UXS1: variants seen among roughly 807,000 people sequenced by gnomAD.
UXS1 encodes UDP-glucuronate decarboxylase 1, also known as UDP-glucuronic acid decarboxylase 1.
In UXS1, 33 loss-of-function variants were observed where a neutral mutation model predicts 62.6. The ratio of observed to expected loss-of-function variants is 0.53; its 90% CI spans 0.40 to 0.70. The LOEUF is 0.70. Among genes scored for constraint, UXS1 ranks in the 30% least tolerant of loss-of-function variants. The pLI is 0.00. For synonymous variants in UXS1, 213 were observed against 206.8 expected (o/e 1.03, Z -0.26); for missense variants, 434 against 556.3 (o/e 0.78, Z 2.21).
At position 106,104,812 on chromosome 2, in the gene UXS1, C is replaced by T; in HGVS notation, c.905G>A (p.Arg302Lys). The change falls in exon 11 of 15, where the codon AGG becomes AAG. Residue 302 changes from arginine to lysine, a missense_variant. Transcript: ENST00000283148. ...GTCTTACCTGACGTACTGGAACGCC[C>T]TTGTCTGAGACCCGGATCCGTATAC... ...LTVYGSGSQTRAFQYVSDLVN... is the reference protein window; with the variant it reads ...LTVYGSGSQTKAFQYVSDLVN... 6.2e-7 allele frequency: 1 copy of T among 1,614,024 alleles called. No individual in the cohort carries two copies. Among genetic ancestry groups the T allele is most frequent in the Non-Finnish European group, 8.5e-7 (1 of 1,179,902 alleles).
chr2:106,184,917 C>T (rs1249130698), intron 1 of UXS1, among the ~76,000 whole-genome samples: 1 of 152,206 alleles, frequency 6.6e-6, no homozygotes, highest in Non-Finnish European at 1.5e-5. Context: ...CGGGCCAACC[C>T]CAAAATGCAA....
chr2:106,097,620 G>T, intron 13 of UXS1: 1 of 221,318 alleles, frequency 4.5e-6, no homozygotes, highest in Non-Finnish European at 9.3e-6. Context: ...CACCTGAAGA[G>T]CCTGTCAACA....
chr2:106,128,485 C>T (rs1342392181), intron 7 of UXS1, among the ~76,000 whole-genome samples: 1 of 152,032 alleles, frequency 6.6e-6, no homozygotes, highest in Non-Finnish European at 1.5e-5. Context: ...GAACACATGG[C>T]CCTCCCCAAC....
Position 106,094,127 on chromosome 2 carries a change from T to C in UXS1, c.1177A>G (p.Ile393Val). Reference sequence around the variant, plus strand: ...TCGAGTTCTTTACGGAAGTAGTGAATTGCTTTGTTTAAACCTTCCTCCAGC... The same window carrying C: ...TCGAGTTCTTTACGGAAGTAGTGAACTGCTTTGTTTAAACCTTCCTCCAGC... ...VPLEEGLNKA[I>V]HYFRKELEYQ... is the part of the protein sequence containing the mutation. The change falls in exon 15 of 15, where the codon ATT (isoleucine) becomes GTT (valine). Residue 393 changes from isoleucine to valine, a missense_variant. Coordinates refer to ENST00000283148, the MANE Select transcript of UXS1 (RefSeq NM_001253875.2). 6.2e-7 allele frequency: 1 copy of C among 1,612,302 alleles called. No individual in the cohort carries two copies. Among genetic ancestry groups the C allele is most frequent in the Non-Finnish European group, 8.5e-7 (1 of 1,179,748 alleles).
chr2:106,186,556 A>C (rs1395289320), intron 1 of UXS1, among the ~76,000 whole-genome samples: 1 of 151,576 alleles, frequency 6.6e-6, no homozygotes, highest in African/African-American at 2.4e-5. Context: ...TCAAACAAAC[A>C]AAAAAAAATC....
chr2:106,185,338 A>G (rs547110413), intron 1 of UXS1, among the ~76,000 whole-genome samples: 6 of 152,312 alleles, frequency 3.9e-5, no homozygotes, highest in African/African-American at 1.4e-4. Flanking sequence ...GAAAATAAAG[A>G]TGCCCAAGTC....
intron 14 of UXS1, among the ~76,000 whole-genome samples, chr2:106,094,833 C>A (rs1420160399): frequency 6.6e-6 from 1 of 152,208 alleles, no homozygotes; most frequent in Non-Finnish European, 1.5e-5. Flanking sequence ...TGGGGCACCA[C>A]TGGGGGAGAA....
chr2:106,190,230 A>G (rs1201442001), intron 1 of UXS1, among the ~76,000 whole-genome samples: 1 of 152,218 alleles, frequency 6.6e-6, no homozygotes. Context: ...CTCACTAGGA[A>G]CAGCATTTAC....
chr2:106,128,336 A>C (rs1446857530), intron 7 of UXS1, among the ~76,000 whole-genome samples: 1 of 152,190 alleles, frequency 6.6e-6, no homozygotes, highest in Non-Finnish European at 1.5e-5. Context: ...TACTCCAAAC[A>C]ACCTGTCCCC....
chr2:106,145,466 C>T (rs770199306), intron 5 of UXS1, 96 bp from the exon 6 acceptor site: 23 of 1,421,522 alleles, frequency 1.6e-5, no homozygotes, highest in South Asian at 1.5e-4. Flanking sequence ...GGTGCAGCCA[C>T]GACTTAAAAC....
At chr2:106,155,908 TG>T (rs1682382936) in intron 5 of UXS1, among the ~76,000 whole-genome samples, 1 of 152,140 alleles carries the variant, frequency 6.6e-6, no homozygotes, top group Non-Finnish European at 1.5e-5. Context: ...TAGCTCAAAA[TG>T]GATCACAGGC....
At chr2:106,176,159 C>A (rs1043572043) in intron 1 of UXS1, among the ~76,000 whole-genome samples, 29 of 152,124 alleles carry the variant, frequency 1.9e-4, no homozygotes, top group Admixed American at 9.2e-4. Flanking sequence ...CCTATCCCCC[C>A]ACCCCTGGCT....
chr2:106,110,668 C>A (rs1209724898), intron 10 of UXS1, among the ~76,000 whole-genome samples: 1 of 152,160 alleles, frequency 6.6e-6, no homozygotes, highest in African/African-American at 2.4e-5. Context: ...GCGGCCACTA[C>A]AAATCCAATA....
At chr2:106,174,809 G>T (rs1393825180) in intron 1 of UXS1, among the ~76,000 whole-genome samples, 1 of 152,202 alleles carries the variant, frequency 6.6e-6, no homozygotes, top group Non-Finnish European at 1.5e-5. Context: ...CGGAAGACAG[G>T]CCCCAAGAGG....
rs192358223 is a variant in UXS1, at chr2:106,106,614, G to A, written c.880-1777C>T. ...TACAGCTGCAACAAATCTCAGTAAA[G>A]GAACATTGAGGAAGGATGGGCATGG... is the stretch of plus-strand genomic sequence containing the variant. On this transcript the variant is annotated intron_variant, in intron 10 of 14. Coordinates refer to ENST00000283148, the MANE Select transcript of UXS1 (RefSeq NM_001253875.2). 3.4e-4 allele frequency among the ~76,000 whole-genome samples: 52 copies of A among 152,288 alleles called. No individual in the cohort carries two copies. In the Middle Eastern group the frequency reaches 0.01, roughly 30 times the overall value.
intron 4 of UXS1, among the ~76,000 whole-genome samples, chr2:106,158,554 G>C (rs1682643202): frequency 6.6e-6 from 1 of 152,064 alleles, no homozygotes; most frequent in South Asian, 2.1e-4. Flanking sequence ...TATTGTTTTT[G>C]CTTATTTTAG....
intron 5 of UXS1, among the ~76,000 whole-genome samples, chr2:106,149,605 C>T (rs1681854740): frequency 6.6e-6 from 1 of 152,168 alleles, no homozygotes; most frequent in African/African-American, 2.4e-5. Context: ...TTGGACTCCC[C>T]AGCCTCCAGA....
At chr2:106,123,200 T>C (rs924460656) in intron 8 of UXS1, 109 bp from the exon 9 acceptor site, 2 of 1,500,074 alleles carry the variant, frequency 1.3e-6, no homozygotes, top group African/African-American at 1.4e-5. Context: ...CATTTAGAGA[T>C]GGAGAGATGT....
chr2:106,094,082 AC>A lies in UXS1; in HGVS notation c.1221del (p.Gln407HisfsTer11), dbSNP rs1317470370. 6.2e-7 allele frequency: 1 copy of A among 1,613,478 alleles called. No individual in the cohort carries two copies. The highest frequency in any genetic ancestry group is 8.5e-7 in the Non-Finnish European group (1 of 1,179,790). On this transcript the variant is annotated frameshift_variant, in exon 15 of 15. Transcript: ENST00000283148. LOFTEE classifies it high-confidence loss of function. ...CTGGCAGGCTTTGGTTTGGGGATGT[AC>A]TGATTATTTGCCTGGTACTCGAGTT... ...RKELEYQANN[Q>X]YIPKPKPARI...
Sources: allele counts gnomAD v4.1 joint callset (sites outside exome capture counted in the v4.1 genomes callset), GRCh38; gene constraint gnomAD v4.1.1; transcripts MANE v1.5; gene names NCBI Gene and HGNC (gene_info 2026-07-23, HGNC 2026-07-21).